FILIP1: variants seen among roughly 807,000 people sequenced by gnomAD.
FILIP1 encodes the protein filamin A interacting protein 1.
Under a neutral mutation model 102.1 loss-of-function variants are expected in FILIP1, and 61 were observed. The ratio of observed to expected loss-of-function variants is 0.60; its 90% confidence interval spans 0.49 to 0.74. The LOEUF is 0.74. Ranked by LOEUF, FILIP1 falls within the 30% of genes least tolerant of loss-of-function variation. The pLI is 0.00. For missense variants in FILIP1, 1,314 were observed against 1,441.2 expected, an observed-to-expected ratio of 0.91 and a Z score of 1.43; for synonymous variants, 491 against 526.9, an observed-to-expected ratio of 0.93 and a Z score of 0.93.
chr6:75,325,016 A>T lies in FILIP1; in HGVS notation c.630-9814T>A, dbSNP rs183411531. Among the ~76,000 whole-genome samples, 935 of 152,372 alleles carry T rather than the reference A, an allele frequency of 6.1e-3. 7 individuals carry two copies. Among genetic ancestry groups the T allele is most frequent in the African/African-American group, 0.021 (854 of 41,588 alleles). On this transcript the variant is annotated intron_variant, in intron 4 of 5. Transcript: ENST00000237172. The stretch of plus-strand genomic sequence containing the variant: ...TAACATTGGAAAAACTCTTCTAGAC[A>T]TTGGCTTAGGCAAAGAGTTTATAAT...
intron 1 of FILIP1, among the ~76,000 whole-genome samples, chr6:75,445,465 C>A (rs1778414823): frequency 6.6e-6 from 1 of 152,086 alleles, no homozygotes; most frequent in African/African-American, 2.4e-5. Flanking sequence ...CCTCAAATCT[C>A]AATGCAAGCA....
rs570956574 is a variant in FILIP1 at position 75,326,606 on chromosome 6, T to A, written c.630-11404A>T. On this transcript the variant is annotated intron_variant, in intron 4 of 5. Coordinates refer to ENST00000237172, the MANE Select transcript of FILIP1 (RefSeq NM_015687.5). ...ATAAAAGGAAAGGTCTCCTAGGTAG[T>A]GTGAGAGCTTTATTATTTCATTTAA... is the stretch of plus-strand genomic sequence containing the variant. 2.0e-5 allele frequency among the ~76,000 whole-genome samples: 3 copies of A among 152,196 alleles called. No individual in the cohort carries two copies. The South Asian group carries it at 6.2e-4, about 32-fold the overall frequency.
Position 75,414,746 on chromosome 6 carries a change from G to A in FILIP1, c.227C>T (p.Ser76Phe), listed in dbSNP as rs139788148. 1 of 1,613,810 alleles carries A rather than the reference G, an allele frequency of 6.2e-7. No homozygotes were observed. Among genetic ancestry groups the A allele is most frequent in the African/African-American group, 1.3e-5 (1 of 75,012 alleles). Residue 76 changes from serine to phenylalanine, a missense_variant, in exon 2 of 6, where the codon TCC becomes TTC. Coordinates refer to ENST00000237172, the MANE Select transcript of FILIP1 (RefSeq NM_015687.5). ...GAGTAGTTGGATGAGGTCTTCTTTG[G>A]ATAACTCCAGGGATTTCTTAGTTTT... ...ERKTKKSLEL[S>F]KEDLIQLLSI... is the part of the protein sequence containing the mutation.
At chr6:75,464,648 T>C (rs749912880) in intron 1 of FILIP1, among the ~76,000 whole-genome samples, 1 of 152,230 alleles carries the variant, frequency 6.6e-6, no homozygotes, top group African/African-American at 2.4e-5. Flanking sequence ...TGCTTACCTG[T>C]TAGTAACCCT....
rs1433777763 is a variant in FILIP1 at position 75,313,367 on chromosome 6, A to G, written c.2465T>C (p.Val822Ala). ...TTCCTGGAAGGATTTCCGTATGAAT[A>G]CAGCTGGCGTTTCTTCCTCTGCTGC... ...GEAAEEETPA[V>A]FIRKSFQEEN... The change falls in exon 5 of 6, where the codon GTA becomes GCA. Residue 822 changes from valine (V) to alanine (A), a missense_variant. Transcript: ENST00000237172. This position sits in a 1 kb window ranked among gnomAD's most constrained non-coding sequence, Gnocchi z 4.2. The G allele has an allele frequency of 1.9e-5, 31 of 1,614,084 alleles. No homozygotes were observed. The highest frequency in any genetic ancestry group is 2.6e-5 in the Non-Finnish European group (31 of 1,180,050).
Position 75,372,722 on chromosome 6 carries a change from GAGAAAGAGAA to G in FILIP1, c.277-9815_277-9806del, listed in dbSNP as rs1292586040. ...GAAAGAAAGAAAGAAAGGAAAGAAA[GAGAAAGAGAA>G]AGAAAGAAAGAAAGAAAGAAAGAAA... is the stretch of plus-strand genomic sequence containing the variant. On this transcript the variant is annotated intron_variant, in intron 2 of 5. Coordinates refer to ENST00000237172, the MANE Select transcript of FILIP1 (RefSeq NM_015687.5). Among the ~76,000 whole-genome samples, 83 of 65,926 alleles carry G rather than the reference GAGAAAGAGAA, an allele frequency of 1.3e-3. 7 individuals carry two copies. The highest frequency in any genetic ancestry group is 2.8e-3 in the African/African-American group (38 of 13,730). The allele number at this position is 65,926 out of a possible 152,430, so 43.3% of individuals were successfully genotyped here.
intron 4 of FILIP1, among the ~76,000 whole-genome samples, chr6:75,342,570 G>A (rs1774449442): frequency 6.6e-6 from 1 of 152,218 alleles, no homozygotes; most frequent in Non-Finnish European, 1.5e-5. Context: ...GTCAAGTCAG[G>A]ATCTCCTGAG....
intron 1 of FILIP1, among the ~76,000 whole-genome samples, chr6:75,417,031 A>G (rs150081935): frequency 0.01 from 1,587 of 152,178 alleles, 32 homozygotes; most frequent in African/African-American, 0.037. Context: ...AAAGTTTATT[A>G]TAGTATTATA....
At chr6:75,479,558 CTT>C (rs1779590534) in intron 1 of FILIP1, among the ~76,000 whole-genome samples, 1 of 151,956 alleles carries the variant, frequency 6.6e-6, no homozygotes, top group Non-Finnish European at 1.5e-5. Context: ...TATTGTGTCT[CTT>C]TTTCTATTTT....
chr6:75,407,271 G>A (rs1776892738), intron 2 of FILIP1, among the ~76,000 whole-genome samples: 1 of 151,980 alleles, frequency 6.6e-6, no homozygotes, highest in South Asian at 2.1e-4. Context: ...TGTTGCCCAG[G>A]CTGGAGTGCA....
At chr6:75,463,553 A>C (rs775416354) in intron 1 of FILIP1, among the ~76,000 whole-genome samples, 1 of 152,230 alleles carries the variant, frequency 6.6e-6, no homozygotes, top group Non-Finnish European at 1.5e-5. Context: ...GTTAACTCAC[A>C]TGATTCCTCT....
At chr6:75,375,137 A>G (rs529902774) in intron 2 of FILIP1, among the ~76,000 whole-genome samples, 1 of 152,358 alleles carries the variant, frequency 6.6e-6, no homozygotes, top group South Asian at 2.1e-4. Context: ...TCAGTCTCCC[A>G]TGTAGCCCAC....
chr6:75,445,416 T>C (rs541033436), intron 1 of FILIP1, among the ~76,000 whole-genome samples: 6 of 152,214 alleles, frequency 3.9e-5, no homozygotes, highest in African/African-American at 1.4e-4. Context: ...CCTGGAACTC[T>C]GTCTCTCTCC....
chr6:75,296,105 A>G lies in FILIP1; in HGVS notation c.3494-155T>C, dbSNP rs369441861. Among the ~76,000 whole-genome samples, 76 of 152,230 alleles carry G rather than the reference A, an allele frequency of 5.0e-4. 2 individuals carry two copies. In the Middle Eastern group the frequency reaches 0.024, roughly 48 times the overall value. Reference sequence around the variant, plus strand: ...CTTTCCTGCATTACTATTCTTGGGCAACGTCTTTATATTGGCGTATGTACT... The same window carrying G: ...CTTTCCTGCATTACTATTCTTGGGCGACGTCTTTATATTGGCGTATGTACT... On this transcript the variant is annotated intron_variant, in intron 6 of 6. Transcript: ENST00000393004.
chr6:75,467,275 T>A (rs967762878), intron 1 of FILIP1, among the ~76,000 whole-genome samples: 1 of 152,222 alleles, frequency 6.6e-6, no homozygotes, highest in Non-Finnish European at 1.5e-5. Flanking sequence ...ATATTTCTAA[T>A]GAATAATTTG....
intron 2 of FILIP1, among the ~76,000 whole-genome samples, chr6:75,363,815 G>A (rs1234567601): frequency 1.3e-5 from 2 of 152,198 alleles, no homozygotes; most frequent in African/African-American, 2.4e-5. Context: ...GGTAAGAAGT[G>A]CCCTGACTTC....
At position 75,353,636 on chromosome 6, in the gene FILIP1, G is replaced by A. The variant is rs779152073; in HGVS notation, c.532C>T (p.Arg178Cys). 33 of 1,614,018 alleles carry A rather than the reference G, an allele frequency of 2.0e-5. No homozygotes were observed. Among genetic ancestry groups the A allele is most frequent in the East Asian group, 4.5e-5 (2 of 44,908 alleles). Reference sequence around the variant, plus strand: ...TCGTTCTCTAACTCGTATACGGTGCGCCTATGACACTTCTCGGCCAGCAAC... The same window carrying A: ...TCGTTCTCTAACTCGTATACGGTGCACCTATGACACTTCTCGGCCAGCAAC... ...QLLLAEKCHR[R>C]TVYELENEKH... The change falls in exon 4 of 6, where the codon CGC becomes TGC. Residue 178 changes from arginine to cysteine, a missense_variant. Transcript: ENST00000237172.
At chr6:75,336,386 T>C (rs1036482779) in intron 4 of FILIP1, among the ~76,000 whole-genome samples, 1 of 152,180 alleles carries the variant, frequency 6.6e-6, no homozygotes, top group African/African-American at 2.4e-5. Flanking sequence ...CCACAGAATC[T>C]GATGCATAGT....
Position 75,313,038 on chromosome 6 carries a change from A to G in FILIP1, c.2794T>C (p.Ser932Pro), listed in dbSNP as rs1486648298. The G allele has an allele frequency of 6.2e-7, 1 of 1,614,122 alleles. No individual in the cohort carries two copies. Among genetic ancestry groups the G allele is most frequent in the East Asian group, 2.2e-5 (1 of 44,878 alleles). Reference protein sequence around the residue: ...TATLEITSPTSEEFFSSTTVI... With the variant: ...TATLEITSPTPEEFFSSTTVI... ...GTGGTACTAGAAAAAAATTCTTCAGATGTCGGGCTTGTTATCTCCAAAGTC... is the reference window on the plus strand; with the variant it reads ...GTGGTACTAGAAAAAAATTCTTCAGGTGTCGGGCTTGTTATCTCCAAAGTC... Residue 932 changes from serine to proline, a missense_variant, in exon 5 of 6, where the codon TCT (serine) becomes CCT (proline). Physicochemically the swap from Ser to Pro is moderately conservative, Grantham distance 74 (BLOSUM62 -1). This residue lies in a region of FILIP1 where 816 missense variants were observed against 913.1 expected (regional missense o/e 0.89). Coordinates refer to ENST00000237172, the MANE Select transcript of FILIP1 (RefSeq NM_015687.5). This position sits in a 1 kb window ranked among gnomAD's most constrained non-coding sequence, Gnocchi z 4.2.
Sources: gnomAD v4.1 joint callset for allele counts (sites outside exome capture counted in the v4.1 genomes callset) on GRCh38, gnomAD v4.1.1 for gene constraint, gnomAD v4.1.1 regional missense constraint, Gnocchi (gnomAD v3.1) non-coding constraint, MANE v1.5 for transcripts, NCBI Gene and HGNC (gene_info 2026-07-23, HGNC 2026-07-21) for gene names.